The following PPFIA2 variants were observed in gnomAD, a reference collection of about 807,000 sequenced individuals.
PPFIA2 encodes the protein liprin-alpha-2.
A neutral mutation model predicts 175.5 loss-of-function variants in PPFIA2; 46 were observed. The observed-to-expected ratio is 0.26, with a 90% confidence interval of 0.21 to 0.34. PPFIA2 has a LOEUF of 0.34. Among genes scored for constraint, PPFIA2 ranks in the 10% least tolerant of loss-of-function variants. The pLI is 1.00. For missense variants in PPFIA2, 1,179 were observed against 1,506.1 expected (o/e 0.78, Z 3.60); for synonymous variants, 568 against 511.4 (o/e 1.11, Z -1.49).
At chr12:81,425,233 G>C (rs1025365291) in intron 7 of PPFIA2, among the ~76,000 whole-genome samples, 1 of 152,122 alleles carries the variant, frequency 6.6e-6, no homozygotes, top group African/African-American at 2.4e-5. Context: ...GTAAGTGGTT[G>C]GAGCTTTCTG....
chr12:81,519,393 T>C (rs1255978029), intron 4 of PPFIA2, among the ~76,000 whole-genome samples: 1 of 152,132 alleles, frequency 6.6e-6, no homozygotes, highest in Non-Finnish European at 1.5e-5. Flanking sequence ...AAATTATTAA[T>C]TACATCAGGT....
chr12:81,354,649 A>ATT lies in PPFIA2; in HGVS notation c.1774-1312_1774-1311dup, dbSNP rs201943714. Among the ~76,000 whole-genome samples the ATT allele has an allele frequency of 3.1e-3, 449 of 146,114 alleles. 1 individual carries two copies. The highest frequency in any genetic ancestry group is 9.7e-3 in the African/African-American group (391 of 40,278). On this transcript the variant is annotated intron_variant, in intron 16 of 32. Transcript: ENST00000549396. Reference sequence around the variant, plus strand: ...GTCTTCTTAACTCTTATTAAGGTTGATTTTTTTTTTTTGAGAGGGAGTCTT... The same window carrying ATT: ...GTCTTCTTAACTCTTATTAAGGTTGATTTTTTTTTTTTTTGAGAGGGAGTCTT...
chr12:81,446,583 C>T (rs2051311319), intron 5 of PPFIA2, among the ~76,000 whole-genome samples: 1 of 152,060 alleles, frequency 6.6e-6, no homozygotes, highest in Non-Finnish European at 1.5e-5. Flanking sequence ...AGTGAAGAAC[C>T]ACACACAGTT....
At chr12:81,394,544 T>C (rs1596015908) in intron 8 of PPFIA2, among the ~76,000 whole-genome samples, 1 of 151,826 alleles carries the variant, frequency 6.6e-6, no homozygotes, top group East Asian at 1.9e-4. Context: ...CTCAGCAAAC[T>C]AACACAGGAA....
chr12:81,720,749 T>C (rs931039767), intron 3 of PPFIA2, among the ~76,000 whole-genome samples: 1 of 151,278 alleles, frequency 6.6e-6, no homozygotes, highest in Non-Finnish European at 1.5e-5. Flanking sequence ...TTGATCCCCA[T>C]TTTTTTCTGG....
At chr12:81,735,725 A>G (rs370164088) in intron 3 of PPFIA2, among the ~76,000 whole-genome samples, 24 of 151,754 alleles carry the variant, frequency 1.6e-4, no homozygotes, top group East Asian at 9.7e-4. Context: ...GCTCTTACAT[A>G]TTGGTCTATG....
At chr12:81,671,986 T>G (rs2071510269) in intron 4 of PPFIA2, among the ~76,000 whole-genome samples, 1 of 151,964 alleles carries the variant, frequency 6.6e-6, no homozygotes, top group Non-Finnish European at 1.5e-5. Context: ...TAATTGGTTT[T>G]TGCCAAACTG....
intron 17 of PPFIA2, among the ~76,000 whole-genome samples, chr12:81,349,254 G>A (rs1307415862): frequency 6.6e-6 from 1 of 152,076 alleles, no homozygotes; most frequent in Non-Finnish European, 1.5e-5. Flanking sequence ...ACATGTCATT[G>A]GAATAAGTGA....
chr12:81,614,278 T>C (rs1205491178), intron 4 of PPFIA2, among the ~76,000 whole-genome samples: 4 of 152,132 alleles, frequency 2.6e-5, no homozygotes, highest in African/African-American at 9.6e-5. Context: ...GCAGATGTTT[T>C]CGTGCTCTTC....
chr12:81,274,812 G>A (rs2040092428), intron 28 of PPFIA2, among the ~76,000 whole-genome samples: 1 of 152,160 alleles, frequency 6.6e-6, no homozygotes, highest in South Asian at 2.1e-4. Context: ...TCAGTCATAG[G>A]AAACAAGCTA....
intron 4 of PPFIA2, among the ~76,000 whole-genome samples, chr12:81,462,286 C>CATATAT (rs71881439): frequency 1.5e-4 from 20 of 135,912 alleles, no homozygotes; most frequent in Non-Finnish European, 2.1e-4. Flanking sequence ...TGTTAGAAAA[C>CATATAT]ATATATATAT....
intron 24 of PPFIA2, chr12:81,292,432 C>T (rs933196481): frequency 3.3e-5 from 5 of 152,214 alleles, no homozygotes; most frequent in African/African-American, 1.2e-4. Context: ...ACAACATGAC[C>T]AATCTCTCCC....
chr12:81,732,540 C>T lies in PPFIA2; in HGVS notation c.249+21433G>A, dbSNP rs1027219217. Among the ~76,000 whole-genome samples, 4 of 144,572 alleles carry T rather than the reference C, an allele frequency of 2.8e-5. No individual in the cohort carries two copies. The South Asian group carries it at 8.6e-4, about 31-fold the overall frequency. 94.8% of individuals were successfully genotyped at this position (144,572 alleles called of 152,430 possible). A position where few individuals can be genotyped will look rare whatever the true frequency, so the allele number is the denominator to read the frequency against. ...AAAAAAAAAAAAAAACACTCACACA[C>T]ACAACAGGTTCCACTAGTTTAGTTA... On this transcript the variant is annotated intron_variant, in intron 3 of 32. Transcript: ENST00000549396.
chr12:81,668,988 T>A (rs1021309080), intron 4 of PPFIA2, among the ~76,000 whole-genome samples: 1 of 152,040 alleles, frequency 6.6e-6, no homozygotes, highest in Non-Finnish European at 1.5e-5. Flanking sequence ...GCATACTATG[T>A]GCCAGCGTTG....
At chr12:81,373,147 A>C (rs2035583659) in intron 11 of PPFIA2, among the ~76,000 whole-genome samples, 2 of 151,816 alleles carry the variant, frequency 1.3e-5, no homozygotes, top group East Asian at 1.9e-4. Flanking sequence ...TGAATTGTAA[A>C]TTGTGTTACT....
intron 5 of PPFIA2, among the ~76,000 whole-genome samples, chr12:81,453,330 C>T (rs2052996062): frequency 1.3e-5 from 2 of 151,868 alleles, no homozygotes; most frequent in East Asian, 1.9e-4. Flanking sequence ...GAAACAACTC[C>T]GACAATAAAA....
Position 81,267,895 on chromosome 12 carries a change from A to G in PPFIA2, c.3486+17T>C. ...ATAAACCAGAACACATTGAGACTAC[A>G]GCAGAAAGTGACTTGCCTGGGTGTT... On this transcript the variant is annotated intron_variant, in intron 29 of 32. Transcript: ENST00000549396. The G allele has an allele frequency of 6.3e-7, 1 of 1,576,072 alleles. No homozygotes were observed. The highest frequency in any genetic ancestry group is 8.6e-7 in the Non-Finnish European group (1 of 1,158,212).
intron 3 of PPFIA2, among the ~76,000 whole-genome samples, chr12:81,723,600 G>T (rs1317277137): frequency 2.0e-5 from 3 of 150,962 alleles, no homozygotes; most frequent in South Asian, 2.1e-4. Context: ...TCCATGAAAA[G>T]AATTACACTT....
At chr12:81,585,135 A>G (rs1227734252) in intron 4 of PPFIA2, among the ~76,000 whole-genome samples, 2 of 142,922 alleles carry the variant, frequency 1.4e-5, no homozygotes, top group Non-Finnish European at 3.0e-5. Context: ...AATAATAAAA[A>G]AGAATAAATA....
Sources: allele counts gnomAD v4.1 joint callset (sites outside exome capture counted in the v4.1 genomes callset), GRCh38; gene constraint gnomAD v4.1.1; transcripts MANE v1.5; gene names NCBI Gene and HGNC (gene_info 2026-07-23, HGNC 2026-07-21).